Variants in ARHGEF2 observed in about 807,000 individuals in gnomAD.
ARHGEF2 encodes the protein Rho/Rac guanine nucleotide exchange factor 2.
Under a neutral mutation model 121.0 loss-of-function variants are expected in ARHGEF2, and 22 were observed. The observed-to-expected ratio is 0.18, with a 90% CI of 0.13 to 0.26. The LOEUF is 0.26. Among genes scored for constraint, ARHGEF2 ranks in the 10% least tolerant of loss-of-function variants. The pLI is 1.00. For missense variants in ARHGEF2, 907 were observed against 1,336.0 expected, an observed-to-expected ratio of 0.68 and a Z score of 5.01; for synonymous variants, 487 against 530.0, an observed-to-expected ratio of 0.92 and a Z score of 1.11.
intron 12 of ARHGEF2, 34 bp downstream of exon 12, chr1:155,958,282 TTGTC>T (rs752378259): frequency 5.7e-6 from 9 of 1,568,662 alleles, no homozygotes; most frequent in Non-Finnish European, 7.0e-6. Flanking sequence ...ACTAAAACAC[TTGTC>T]TGTGCTGAGA....
chr1:155,955,053 G>C (rs1255672649), intron 13 of ARHGEF2, 84 bp from the exon 14 acceptor site: 5 of 1,124,946 alleles, frequency 4.4e-6, no homozygotes, highest in Non-Finnish European at 6.6e-6. Context: ...TCCCAAACAT[G>C]CCTTATGCTT....
At chr1:155,977,806 A>C (rs1485963241) in intron 1 of ARHGEF2, among the ~76,000 whole-genome samples, 1 of 151,060 alleles carries the variant, frequency 6.6e-6, no homozygotes, top group Admixed American at 6.6e-5. Flanking sequence ...TGGAAAGTCC[A>C]TTTGCGAGGA....
At position 155,969,194 on chromosome 1, in the gene ARHGEF2, T is replaced by C; in HGVS notation, c.170A>G (p.Asn57Ser). The C allele has an allele frequency of 6.2e-7, 1 of 1,614,210 alleles. No individual in the cohort carries two copies. The highest frequency in any genetic ancestry group is 8.5e-7 in the Non-Finnish European group (1 of 1,180,034). Residue 57 changes from asparagine to serine, a missense_variant, in exon 2 of 22, where the codon AAC (asparagine) becomes AGC (serine). Coordinates refer to ENST00000361247, the MANE Select transcript of ARHGEF2 (RefSeq NM_001162383.2). ...VSGMTMCYAC[N>S]KSITAKEALI... ...GGCTTCCTTGGCTGTGATGCTCTTGTTACAGGCATAGCACATGGTCATGCC... is the reference window on the plus strand; with the variant it reads ...GGCTTCCTTGGCTGTGATGCTCTTGCTACAGGCATAGCACATGGTCATGCC...
chr1:155,978,437 G>T lies in ARHGEF2; in HGVS notation c.-10C>A, dbSNP rs766281258. On this transcript the variant is annotated 5_prime_UTR_variant, in exon 1 of 22. Transcript: ENST00000361247. The surrounding 1 kb of genome is among the most constrained non-coding windows in gnomAD (Gnocchi z 4.1). ...ATTCGATCCGAGACATAATCGGACG[G>T]GGGGACCAGGGAGGACGCGGCGCGG... The T allele has an allele frequency of 2.7e-6, 4 of 1,488,202 alleles. No homozygotes were observed. The Admixed American group carries it at 6.4e-5, about 24-fold the overall frequency. 92.2% of individuals were successfully genotyped at this position (1,488,202 alleles called of 1,614,324 possible). A position where few individuals can be genotyped will look rare whatever the true frequency, so the allele number is the denominator to read the frequency against.
Position 155,978,225 on chromosome 1 carries a change from T to TC in ARHGEF2, c.63+139dup. ...TCGCTCGCAGTCCCCACCCACCCCGTCCCGCCGCTCGCCGATCCACCGCTC... is the reference window on the plus strand; with the variant it reads ...TCGCTCGCAGTCCCCACCCACCCCGTCCCCGCCGCTCGCCGATCCACCGCTC... On this transcript the variant is annotated intron_variant, in intron 1 of 21. Transcript: ENST00000361247. This position sits in a 1 kb window ranked among gnomAD's most constrained non-coding sequence, Gnocchi z 4.1. The TC allele has an allele frequency of 5.2e-6, 6 of 1,164,082 alleles. No homozygotes were observed. Among genetic ancestry groups the TC allele is most frequent in the Non-Finnish European group, 6.5e-6 (6 of 916,926 alleles). The allele number at this position is 1,164,082 out of a possible 1,614,324, so 72.1% of individuals were successfully genotyped here.
Position 155,952,645 on chromosome 1 carries a change from T to G in ARHGEF2, c.1967A>C (p.Gln656Pro), listed in dbSNP as rs1034426337. The change falls in exon 15 of 22, where the codon CAG (glutamine) becomes CCG (proline). Residue 656 changes from glutamine (Q) to proline (P), a missense_variant. Physicochemically the swap from Gln to Pro is moderately conservative, Grantham distance 76. Around this residue, in one of 2 missense-constraint regions of ARHGEF2, gnomAD observed 432 missense variants for 559.5 expected, o/e 0.77. Transcript: ENST00000361247. ...TCCCTCACCCTCACGGATGGCATCC[T>G]GCAGCAGCCGCTCGCCACGAGGGGA... ...LESPRGERLL[Q>P]DAIREVEGLK... The G allele has an allele frequency of 6.2e-7, 1 of 1,612,578 alleles. No individual in the cohort carries two copies. Among genetic ancestry groups the G allele is most frequent in the Non-Finnish European group, 8.5e-7 (1 of 1,178,880 alleles).
upstream of ARHGEF2, chr1:155,978,902 T>C: frequency 1.0e-6 from 1 of 983,884 alleles, no homozygotes; most frequent in African/African-American, 1.7e-5. The surrounding 1 kb of genome is among the most constrained non-coding windows in gnomAD (Gnocchi z 4.1). Context: ...TTCCCTCCCC[T>C]ACTGCGTTAC....
Position 155,950,746 on chromosome 1 carries a change from A to G in ARHGEF2, c.2703+83T>C. The G allele has an allele frequency of 2.2e-6, 3 of 1,388,432 alleles. No individual in the cohort carries two copies. The highest frequency in any genetic ancestry group is 2.0e-6 in the Non-Finnish European group (2 of 1,019,056). 86.0% of individuals were successfully genotyped at this position (1,388,432 alleles called of 1,614,324 possible). A position where few individuals can be genotyped will look rare whatever the true frequency, so the allele number is the denominator to read the frequency against. On this transcript the variant is annotated intron_variant, in intron 20 of 21. Coordinates refer to ENST00000361247, the MANE Select transcript of ARHGEF2 (RefSeq NM_001162383.2). This position sits in a 1 kb window ranked among gnomAD's most constrained non-coding sequence, Gnocchi z 5.2. ...AGTTGACTGATTGCATTTGGGCTCA[A>G]ATCCCCAATGGCCCAATTTCTTTCG... is the stretch of plus-strand genomic sequence containing the variant.
rs1678162825 is a variant in ARHGEF2 at position 155,962,475 on chromosome 1, G to T, written c.1101+118C>A. ...TGCTGACAGGATCTGTGTATGGATGGTCTGCACGGGTGGCGAATGCCTGAC... is the reference window on the plus strand; with the variant it reads ...TGCTGACAGGATCTGTGTATGGATGTTCTGCACGGGTGGCGAATGCCTGAC... On this transcript the variant is annotated intron_variant, in intron 9 of 21. Transcript: ENST00000361247. This position sits in a 1 kb window ranked among gnomAD's most constrained non-coding sequence, Gnocchi z 5.8. 1.4e-6 allele frequency: 2 copies of T among 1,417,120 alleles called. No homozygotes were observed. The highest frequency in any genetic ancestry group is 2.3e-5 in the East Asian group (1 of 43,780). 87.8% of individuals were successfully genotyped at this position (1,417,120 alleles called of 1,614,324 possible). A position where few individuals can be genotyped will look rare whatever the true frequency, so the allele number is the denominator to read the frequency against.
chr1:155,978,372 G>T lies in ARHGEF2; in HGVS notation c.56C>A (p.Ala19Glu). Residue 19 changes from alanine (A) to glutamate (E), a missense_variant, in exon 1 of 22, where the codon GCG (alanine) becomes GAG (glutamate). Physicochemically the swap from Ala to Glu is moderately radical, Grantham distance 107. This residue lies in a region of ARHGEF2 where 475 missense variants were observed against 776.5 expected (regional missense o/e 0.61). Transcript: ENST00000361247. The surrounding 1 kb of genome is among the most constrained non-coding windows in gnomAD (Gnocchi z 4.1). ...AGGGGTTTCCGAGCCCACCTTGCTC[G>T]CCAGCTCTCTGCTCCGGTCGATCCG... The part of the protein sequence containing the change: ...RARIDRSREL[A>E]SKTREKEKMK... 2 of 1,515,374 alleles carry T rather than the reference G, an allele frequency of 1.3e-6. No individual in the cohort carries two copies. Among genetic ancestry groups the T allele is most frequent in the Non-Finnish European group, 1.8e-6 (2 of 1,121,968 alleles). The allele number at this position is 1,515,374 out of a possible 1,614,324, so 93.9% of individuals were successfully genotyped here. A position where few individuals can be genotyped will look rare whatever the true frequency, so the allele number is the denominator to read the frequency against.
intron 11 of ARHGEF2, among the ~76,000 whole-genome samples, chr1:155,959,384 G>A (rs968543643): frequency 4.6e-5 from 7 of 151,976 alleles, no homozygotes; most frequent in African/African-American, 1.7e-4. Flanking sequence ...GAGCAGCTGG[G>A]ATTAAGGAGC....
At chr1:155,964,165 A>ATAT (rs1390390498) in intron 7 of ARHGEF2, among the ~76,000 whole-genome samples, 2 of 93,070 alleles carry the variant, frequency 2.1e-5, no homozygotes, top group African/African-American at 5.7e-5. Flanking sequence ...AAAAAAAAAA[A>ATAT]AAATATATAT....
chr1:155,962,067 C>T lies in ARHGEF2; in HGVS notation c.1219+38G>A, dbSNP rs553026493. ...CGAGCCTTTCCTCACCCCAGGTGGC[C>T]GTCTCCCAGTGGCCCTCTCCTGGGC... is the stretch of plus-strand genomic sequence containing the variant. On this transcript the variant is annotated intron_variant, in intron 10 of 21. Coordinates refer to ENST00000361247, the MANE Select transcript of ARHGEF2 (RefSeq NM_001162383.2). The surrounding 1 kb of genome is among the most constrained non-coding windows in gnomAD (Gnocchi z 5.8). 16 of 1,611,406 alleles carry T rather than the reference C, an allele frequency of 9.9e-6. No individual in the cohort carries two copies. The highest frequency in any genetic ancestry group is 8.0e-5 in the African/African-American group (6 of 75,000).
intron 21 of ARHGEF2, among the ~76,000 whole-genome samples, chr1:155,949,641 G>C (rs1674996451): frequency 1.3e-5 from 2 of 151,658 alleles, no homozygotes; most frequent in Non-Finnish European, 2.9e-5. Flanking sequence ...CACTCTGGGA[G>C]GCCAAGACAG....
intron 1 of ARHGEF2, among the ~76,000 whole-genome samples, chr1:155,973,802 T>C (rs1429804344): frequency 6.6e-6 from 1 of 151,398 alleles, no homozygotes; most frequent in African/African-American, 2.4e-5. Context: ...GCAGAGGGCA[T>C]TGTGGATCTC....
In ARHGEF2 at chr1:155,962,519, CACAGGCACTACCCCCATGAGTT is replaced by C; in HGVS notation, c.1101+52_1101+73del. 6.3e-7 allele frequency: 1 copy of C among 1,586,596 alleles called. No individual in the cohort carries two copies. Among genetic ancestry groups the C allele is most frequent in the Non-Finnish European group, 8.6e-7 (1 of 1,165,960 alleles). The stretch of plus-strand genomic sequence containing the variant: ...GCCTGACCTCCATGTGGGTGCAGCT[CACAGGCACTACCCCCATGAGTT>C]GGGGAGGGTGGGTTTGGGCCATGAG... On this transcript the variant is annotated intron_variant, in intron 9 of 21. Coordinates refer to ENST00000361247, the MANE Select transcript of ARHGEF2 (RefSeq NM_001162383.2). This position sits in a 1 kb window ranked among gnomAD's most constrained non-coding sequence, Gnocchi z 5.8.
rs1238432045 is a variant in ARHGEF2 at position 155,952,142 on chromosome 1, C to A, written c.2078G>T (p.Gly693Val). ...GGCAGTGACCCCAGGACTCGTGTTA[C>A]CACCGCTGTCTGGTTCCAAGGGCAG... is the stretch of plus-strand genomic sequence containing the variant. ...PALPLEPDSG[G>V]NTSPGVTANG... is the part of the protein sequence containing the mutation. Residue 693 changes from glycine to valine, a missense_variant, in exon 16 of 22, where the codon GGT becomes GTT. Gly to Val is a moderately radical substitution (Grantham distance 109, BLOSUM62 -3). This residue lies in a region of ARHGEF2 where 432 missense variants were observed against 559.5 expected (regional missense o/e 0.77). Transcript: ENST00000361247. 4 of 1,614,190 alleles carry A rather than the reference C, an allele frequency of 2.5e-6. No homozygotes were observed. The East Asian group carries it at 8.9e-5, about 36-fold the overall frequency.
At chr1:155,971,586 A>AAAAAAAAAAAAG (rs1680472791) in intron 1 of ARHGEF2, among the ~76,000 whole-genome samples, 1 of 150,780 alleles carries the variant, frequency 6.6e-6, no homozygotes, top group Non-Finnish European at 1.5e-5. Context: ...TCTCAAAAAA[A>AAAAAAAAAAAAG]AAAAAAGAAG....
At chr1:155,957,939 T>TA (rs2102648857) in intron 12 of ARHGEF2, 57 bp from the exon 13 acceptor site, 1 of 1,556,544 alleles carries the variant, frequency 6.4e-7, no homozygotes, top group South Asian at 1.2e-5. Flanking sequence ...TTGGCATATT[T>TA]AGGCCTTCAA....
Sources: gnomAD v4.1 joint callset for allele counts (sites outside exome capture counted in the v4.1 genomes callset) on GRCh38, gnomAD v4.1.1 for gene constraint, gnomAD v4.1.1 regional missense constraint, Gnocchi (gnomAD v3.1) non-coding constraint, MANE v1.5 for transcripts, NCBI Gene and HGNC (gene_info 2026-07-23, HGNC 2026-07-21) for gene names.